Variants in LEF1 observed in about 807,000 individuals in gnomAD.
LEF1 encodes lymphoid enhancer-binding factor 1.
In LEF1, 14 loss-of-function variants were observed where a neutral mutation model predicts 51.2. That is an observed-to-expected ratio of 0.27 (90% CI 0.18 to 0.43). The LOEUF is 0.43. Ranked by LOEUF, LEF1 falls within the 20% of genes least tolerant of loss-of-function variation. LEF1 has a pLI of 1.00. For synonymous variants in LEF1, 185 were observed against 183.2 expected (o/e 1.01, Z -0.08); for missense variants, 386 against 512.0 (o/e 0.75, Z 2.37).
At chr4:108,142,397 G>A (rs569185776) in intron 3 of LEF1, among the ~76,000 whole-genome samples, 90 of 152,218 alleles carry the variant, frequency 5.9e-4, no homozygotes, top group Non-Finnish European at 8.2e-4. Flanking sequence ...ACAGGATCAC[G>A]TCTTGACAAG....
intron 3 of LEF1, among the ~76,000 whole-genome samples, chr4:108,118,749 G>A (rs1009702389): frequency 1.3e-5 from 2 of 152,084 alleles, no homozygotes; most frequent in Non-Finnish European, 2.9e-5. Context: ...CAGCCTGCTC[G>A]AGTAGGTAAA....
At chr4:108,149,875 A>G (rs1744259434) in intron 3 of LEF1, among the ~76,000 whole-genome samples, 2 of 151,940 alleles carry the variant, frequency 1.3e-5, no homozygotes, top group Admixed American at 1.3e-4. Flanking sequence ...TTATATCAGA[A>G]TGACAGAAAT....
intron 3 of LEF1, among the ~76,000 whole-genome samples, chr4:108,116,279 G>A (rs893360443): frequency 1.2e-4 from 19 of 152,290 alleles, no homozygotes; most frequent in Non-Finnish European, 2.6e-4. Flanking sequence ...CCAGCACTTT[G>A]GGAGGCCGAG....
At chr4:108,150,636 C>G (rs1357370008) in intron 3 of LEF1, among the ~76,000 whole-genome samples, 1 of 152,252 alleles carries the variant, frequency 6.6e-6, no homozygotes, top group East Asian at 1.9e-4. Flanking sequence ...GAGAGATGAA[C>G]TGATTTATGA....
intron 3 of LEF1, among the ~76,000 whole-genome samples, chr4:108,121,454 T>C (rs1578367639): frequency 6.6e-6 from 1 of 152,340 alleles, no homozygotes; most frequent in East Asian, 1.9e-4. Flanking sequence ...GCTACTGATA[T>C]ACTCAACAAA....
chr4:108,098,569 ATTCT>A (rs1378777624), intron 3 of LEF1, among the ~76,000 whole-genome samples: 1 of 152,202 alleles, frequency 6.6e-6, no homozygotes, highest in African/African-American at 2.4e-5. Flanking sequence ...AGTAAAACTG[ATTCT>A]TTAAGATCAG....
chr4:108,154,205 G>T (rs1293160337), intron 3 of LEF1, among the ~76,000 whole-genome samples: 1 of 151,844 alleles, frequency 6.6e-6, no homozygotes, highest in Non-Finnish European at 1.5e-5. Context: ...ATATTATGAT[G>T]AATTTAATAA....
intron 11 of LEF1, 65 bp from the exon 12 acceptor site, chr4:108,048,816 C>T (rs1302944612): frequency 1.8e-6 from 2 of 1,100,818 alleles, no homozygotes; most frequent in Non-Finnish European, 2.6e-6. Flanking sequence ...ATTATAACCT[C>T]TATTCCATAC....
At chr4:108,113,336 T>C (rs549705148) in intron 3 of LEF1, among the ~76,000 whole-genome samples, 51 of 152,160 alleles carry the variant, frequency 3.4e-4, no homozygotes, top group African/African-American at 1.0e-3. Context: ...CCAGCTGAGT[T>C]TGGGTGGGGG....
intron 3 of LEF1, among the ~76,000 whole-genome samples, chr4:108,155,817 C>A (rs965470920): frequency 3.3e-5 from 5 of 152,180 alleles, no homozygotes; most frequent in Non-Finnish European, 7.3e-5. Context: ...CTAGTCCTTC[C>A]CTTCTCTATG....
At chr4:108,096,340 A>G (rs1740391319) in intron 3 of LEF1, among the ~76,000 whole-genome samples, 1 of 152,178 alleles carries the variant, frequency 6.6e-6, no homozygotes, top group African/African-American at 2.4e-5. Flanking sequence ...CAAGGATTCT[A>G]TGGGGTATGG....
chr4:108,102,722 A>C (rs1361267832), intron 3 of LEF1, among the ~76,000 whole-genome samples: 4 of 152,224 alleles, frequency 2.6e-5, no homozygotes, highest in African/African-American at 9.6e-5. Context: ...GTCTTATTCC[A>C]GTGGTCTGGA....
chr4:108,054,167 G>A (rs1156558412), intron 11 of LEF1, among the ~76,000 whole-genome samples: 2 of 152,120 alleles, frequency 1.3e-5, no homozygotes, highest in East Asian at 1.9e-4. Context: ...TGGGTCCATC[G>A]GTTACCACCT....
chr4:108,069,616 T>C (rs1425054493), intron 9 of LEF1, among the ~76,000 whole-genome samples: 1 of 152,116 alleles, frequency 6.6e-6, no homozygotes, highest in African/African-American at 2.4e-5. Context: ...TTATAAGAAG[T>C]GTAAAATAAT....
intron 11 of LEF1, among the ~76,000 whole-genome samples, chr4:108,058,840 A>G (rs1737482282): frequency 1.3e-5 from 2 of 152,156 alleles, no homozygotes; most frequent in Admixed American, 1.3e-4. Context: ...GTCCTCACTA[A>G]ATGTTTGCGT....
intron 3 of LEF1, among the ~76,000 whole-genome samples, chr4:108,099,586 A>ATATATATATATGTGTG (rs1560789266): frequency 4.3e-5 from 2 of 46,880 alleles, no homozygotes; most frequent in Non-Finnish European, 6.2e-5. Context: ...ATATATATAT[A>ATATATATATATGTGTG]TATATATATA....
In LEF1 at chr4:108,115,846, T is replaced by TACACACACACACAC. The variant is rs55839332; in HGVS notation, c.415-26603_415-26590dup. 8.0e-3 allele frequency among the ~76,000 whole-genome samples: 1,113 copies of TACACACACACACAC among 139,360 alleles called. 24 individuals carry two copies. The highest frequency in any genetic ancestry group is 0.023 in the African/African-American group (848 of 36,762). The allele number at this position is 139,360 out of a possible 152,430, so 91.4% of individuals were successfully genotyped here. On this transcript the variant is annotated intron_variant, in intron 3 of 11. Transcript: ENST00000265165. ...AAAGGTCTGCCTATAATGTAACACA[T>TACACACACACACAC]ACACACACACACACACACACACACA...
At chr4:108,136,465 C>CTT (rs3034771) in intron 3 of LEF1, among the ~76,000 whole-genome samples, 440 of 140,818 alleles carry the variant, frequency 3.1e-3, no homozygotes, top group Non-Finnish European at 5.1e-3. Context: ...CTTAAATTTC[C>CTT]TTTTTTTTTT....
At chr4:108,149,458 C>CAA (rs371482539) in intron 3 of LEF1, among the ~76,000 whole-genome samples, 19 of 60,592 alleles carry the variant, frequency 3.1e-4, no homozygotes, top group African/African-American at 9.4e-4. Flanking sequence ...GACTCCGTCT[C>CAA]AAAAAAAAAA....
Sources: gnomAD v4.1 joint callset for allele counts (sites outside exome capture counted in the v4.1 genomes callset) on GRCh38, gnomAD v4.1.1 for gene constraint, MANE v1.5 for transcripts, NCBI Gene and HGNC (gene_info 2026-07-23, HGNC 2026-07-21) for gene names.